The following HMGXB4 variants were observed in gnomAD, a reference collection of about 807,000 sequenced individuals.
HMGXB4 encodes HMG-box containing 4.
In HMGXB4, 27 loss-of-function variants were observed where a neutral mutation model predicts 63.9. That is an observed-to-expected ratio of 0.42 (90% CI 0.31 to 0.58). The LOEUF (loss-of-function observed/expected upper bound fraction) is 0.58. Among genes scored for constraint, HMGXB4 ranks in the 20% least tolerant of loss-of-function variants. The pLI is 0.13. For synonymous variants in HMGXB4, 264 were observed against 265.3 expected (o/e 0.99, Z 0.05); for missense variants, 624 against 700.7 (o/e 0.89, Z 1.24).
At chr22:35,283,575 A>G (rs1025349638) in intron 5 of HMGXB4, among the ~76,000 whole-genome samples, 25 of 152,182 alleles carry the variant, frequency 1.6e-4, no homozygotes, top group African/African-American at 6.0e-4. Flanking sequence ...AGATCGCCTG[A>G]GGTCAGGAGT....
rs1398635377 is a variant in HMGXB4 at position 35,262,321 on chromosome 22, A to G, written c.-68-2A>G. On this transcript the variant is annotated splice_acceptor_variant, in intron 1 of 10. Coordinates refer to ENST00000216106, the MANE Select transcript of HMGXB4 (RefSeq NM_001003681.3). LOFTEE classifies it low-confidence loss of function (5UTR_SPLICE). ...GGAGGGTTTTCCTTCTTTGTTTCTC[A>G]GACCTGGTCCTGTAGACGGGAAGGA... is the stretch of plus-strand genomic sequence containing the variant. 1 of 1,500,118 alleles carries G rather than the reference A, an allele frequency of 6.7e-7. No individual in the cohort carries two copies. The highest frequency in any genetic ancestry group is 9.3e-7 in the Non-Finnish European group (1 of 1,077,118). The allele number at this position is 1,500,118 out of a possible 1,614,324, so 92.9% of individuals were successfully genotyped here.
rs1924424202 is a variant in HMGXB4 at position 35,284,057 on chromosome 22, T to C, written c.1297+14T>C. On this transcript the variant is annotated intron_variant, in intron 6 of 10. Coordinates refer to ENST00000216106, the MANE Select transcript of HMGXB4 (RefSeq NM_001003681.3). ...ATCCAGGTATAGGTAAGAACATTAC[T>C]GATCTGTAGCGCTTTTGCTTTCCAT... 1.9e-6 allele frequency: 3 copies of C among 1,578,108 alleles called. No individual in the cohort carries two copies. The highest frequency in any genetic ancestry group is 1.7e-6 in the Non-Finnish European group (2 of 1,147,414).
At chr22:35,241,897 C>CT in the HMGXB4 span, among the ~76,000 whole-genome samples, 1 of 151,886 alleles carries the variant, frequency 6.6e-6, no homozygotes, top group Non-Finnish European at 1.5e-5. Context: ...AGCCTCAGCA[C>CT]GCTGCTCTGT....
At chr22:35,281,752 A>G (rs1392831004) in intron 5 of HMGXB4, among the ~76,000 whole-genome samples, 4 of 152,230 alleles carry the variant, frequency 2.6e-5, no homozygotes, top group African/African-American at 7.2e-5. Flanking sequence ...TATTCTAGCA[A>G]ATGTCAGGCA....
At chr22:35,250,887 G>A in the HMGXB4 span, among the ~76,000 whole-genome samples, 1 of 152,064 alleles carries the variant, frequency 6.6e-6, no homozygotes, top group Non-Finnish European at 1.5e-5. Flanking sequence ...GAGCTACAAA[G>A]GGCCTTTTGA....
Position 35,265,141 on chromosome 22 carries a change from G to T in HMGXB4, c.753G>T (p.Lys251Asn). 6.2e-7 allele frequency: 1 copy of T among 1,614,124 alleles called. No individual in the cohort carries two copies. Among genetic ancestry groups the T allele is most frequent in the Non-Finnish European group, 8.5e-7 (1 of 1,180,036 alleles). The change falls in exon 5 of 11, where the codon AAG (lysine) becomes AAT (asparagine). Residue 251 changes from lysine to asparagine, a missense_variant. Transcript: ENST00000216106. Reference sequence around the variant, plus strand: ...GCTTTCTGAAAACAGCCCGGAAAAAGCACAAGTCATCCTCAGACGCACATT... The same window carrying T: ...GCTTTCTGAAAACAGCCCGGAAAAATCACAAGTCATCCTCAGACGCACATT... ...LQSFLKTARK[K>N]HKSSSDAHSS...
Position 35,288,262 on chromosome 22 carries a change from C to G in HMGXB4, c.1493C>G (p.Pro498Arg). Residue 498 changes from proline (P) to arginine (R), a missense_variant, in exon 9 of 11, where the codon CCC (proline) becomes CGC (arginine). This residue lies in a region of HMGXB4 where 152 missense variants were observed against 230.1 expected (regional missense o/e 0.66). Coordinates refer to ENST00000216106, the MANE Select transcript of HMGXB4 (RefSeq NM_001003681.3). Reference sequence around the variant, plus strand: ...GCCTCTTCTGTAGGAGTACTGTCACCCCAGAAGAAGTCCCCACCCACCACC... The same window carrying G: ...GCCTCTTCTGTAGGAGTACTGTCACGCCAGAAGAAGTCCCCACCCACCACC... Reference protein sequence around the residue: ...VKASSVGVLSPQKKSPPTTML... With the variant: ...VKASSVGVLSRQKKSPPTTML... The G allele has an allele frequency of 6.3e-7, 1 of 1,593,308 alleles. No individual in the cohort carries two copies. The highest frequency in any genetic ancestry group is 8.6e-7 in the Non-Finnish European group (1 of 1,169,462).
chr22:35,270,782 TTTGA>T (rs1443507087), intron 5 of HMGXB4, among the ~76,000 whole-genome samples: 1 of 152,212 alleles, frequency 6.6e-6, no homozygotes, highest in Non-Finnish European at 1.5e-5. Flanking sequence ...AGTTAATATC[TTTGA>T]TTGTGGCTGT....
At position 35,284,903 on chromosome 22, in the gene HMGXB4, C is replaced by T. The variant is rs148650306; in HGVS notation, c.1297+860C>T. Among the ~76,000 whole-genome samples the T allele has an allele frequency of 1.3e-4, 20 of 152,288 alleles. No homozygotes were observed. In the East Asian group the frequency reaches 3.9e-3, roughly 29 times the overall value. On this transcript the variant is annotated intron_variant, in intron 6 of 10. Transcript: ENST00000216106. ...AACTCCAAAAGACTGCAGTGTTAGG[C>T]ACACATGAATATGCTTTATAAAGCA...
At chr22:35,245,197 G>A in the HMGXB4 span, among the ~76,000 whole-genome samples, 7 of 152,134 alleles carry the variant, frequency 4.6e-5, no homozygotes, top group East Asian at 7.7e-4. Context: ...CTAATATTCC[G>A]TCTTCAAGTT....
chr22:35,264,560 A>T (rs550465999), intron 4 of HMGXB4, 88 bp from the exon 5 acceptor site: 13 of 868,628 alleles, frequency 1.5e-5, no homozygotes, highest in Non-Finnish European at 2.1e-5. Context: ...CCTCTTTCTC[A>T]TGTTAGCTAG....
chr22:35,269,817 G>A (rs929663368), intron 5 of HMGXB4, among the ~76,000 whole-genome samples: 4 of 152,024 alleles, frequency 2.6e-5, no homozygotes, highest in Non-Finnish European at 4.4e-5. Context: ...GGCTGGCCTG[G>A]GCAATCTAGC....
At chr22:35,293,157 C>A (rs765143611) in intron 10 of HMGXB4, 43 bp downstream of exon 10, 1 of 1,612,084 alleles carries the variant, frequency 6.2e-7, no homozygotes, top group Non-Finnish European at 8.5e-7. Flanking sequence ...CATTGGGCGT[C>A]AGAGATGCCC....
intron 5 of HMGXB4, among the ~76,000 whole-genome samples, chr22:35,275,864 A>G (rs1923886357): frequency 6.6e-6 from 1 of 152,242 alleles, no homozygotes; most frequent in African/African-American, 2.4e-5. Context: ...ACTTGTTGCA[A>G]GTAATTTGCT....
At chr22:35,290,932 A>G (rs1924897269) in intron 9 of HMGXB4, among the ~76,000 whole-genome samples, 2 of 152,212 alleles carry the variant, frequency 1.3e-5, no homozygotes, top group Admixed American at 1.3e-4. Context: ...TCATCATTTT[A>G]GCAGTAAAAC....
In HMGXB4 at chr22:35,264,950, G is replaced by C; in HGVS notation, c.562G>C (p.Asp188His). 1 of 1,614,052 alleles carries C rather than the reference G, an allele frequency of 6.2e-7. No homozygotes were observed. The highest frequency in any genetic ancestry group is 8.5e-7 in the Non-Finnish European group (1 of 1,179,994). Residue 188 changes from aspartate (D) to histidine (H), a missense_variant, in exon 5 of 11, where the codon GAT (aspartate) becomes CAT (histidine). This residue lies in a region of HMGXB4 where 472 missense variants were observed against 470.6 expected (regional missense o/e 1.00). Coordinates refer to ENST00000216106, the MANE Select transcript of HMGXB4 (RefSeq NM_001003681.3). ...AGAGACACTGACCCTTCGGGAGCCT[G>C]ATGGTTTAAAAATGAAACTTATTCT... ...NTETLTLREP[D>H]GLKMKLILSP... is the part of the protein sequence containing the mutation.
chr22:35,283,459 A>G (rs1924383055), intron 5 of HMGXB4, among the ~76,000 whole-genome samples: 1 of 152,202 alleles, frequency 6.6e-6, no homozygotes, highest in Non-Finnish European at 1.5e-5. Flanking sequence ...ATTAAAACTG[A>G]TGTTCATCTC....
At chr22:35,288,480 A>G (rs1436633587) in intron 9 of HMGXB4, 73 bp downstream of exon 9, 22 of 1,217,684 alleles carry the variant, frequency 1.8e-5, no homozygotes, top group African/African-American at 4.6e-5. Context: ...TCATTCACTC[A>G]TTTTACATAC....
At chr22:35,261,297 T>G (rs1922834595) in intron 1 of HMGXB4, among the ~76,000 whole-genome samples, 1 of 151,778 alleles carries the variant, frequency 6.6e-6, no homozygotes, top group South Asian at 2.1e-4. Flanking sequence ...TTAGCCAGGC[T>G]CGGTGGCAGG....
Sources: gnomAD v4.1 joint callset for allele counts (sites outside exome capture counted in the v4.1 genomes callset) on GRCh38, gnomAD v4.1.1 for gene constraint, gnomAD v4.1.1 regional missense constraint, MANE v1.5 for transcripts, NCBI Gene and HGNC (gene_info 2026-07-23, HGNC 2026-07-21) for gene names.